Variants in ASIC2 observed in about 807,000 individuals in gnomAD.
ASIC2 encodes the protein acid sensing ion channel subunit 2.
A neutral mutation model predicts 57.3 loss-of-function variants in ASIC2; 25 were observed. The observed-to-expected ratio is 0.44, with a 90% CI of 0.32 to 0.61. The LOEUF (loss-of-function observed/expected upper bound fraction) is 0.61. ASIC2 is among the 20% of genes least tolerant of loss of function. ASIC2 has a pLI of 0.06. For missense variants in ASIC2, 641 were observed against 738.1 expected (o/e 0.87, Z 1.52); for synonymous variants, 319 against 307.5 (o/e 1.04, Z -0.39).
intron 1 of ASIC2, among the ~76,000 whole-genome samples, chr17:34,029,062 T>C (rs1323935694): frequency 6.6e-6 from 1 of 152,186 alleles, no homozygotes; most frequent in Non-Finnish European, 1.5e-5. Context: ...TCTTCCTTGA[T>C]CATCCCCCTC....
intron 3 of ASIC2, among the ~76,000 whole-genome samples, chr17:33,059,985 T>C (rs556130164): frequency 7.2e-5 from 11 of 152,200 alleles, no homozygotes; most frequent in Non-Finnish European, 1.5e-4. Context: ...TTCATATCCT[T>C]TGCCCACTTT....
intron 1 of ASIC2, among the ~76,000 whole-genome samples, chr17:33,406,248 A>G (rs1957639591): frequency 6.6e-6 from 1 of 152,250 alleles, no homozygotes; most frequent in Admixed American, 6.5e-5. Flanking sequence ...AGAATATTCC[A>G]GAAGCAGAGC....
chr17:33,257,769 T>A lies in ASIC2; in HGVS notation c.708+33639A>T, dbSNP rs1246584309. ...AGGTACAACAGCAATGACAACCACATCTTCCTTCACAGCACTCATGTCCCA... is the reference window on the plus strand; with the variant it reads ...AGGTACAACAGCAATGACAACCACAACTTCCTTCACAGCACTCATGTCCCA... On this transcript the variant is annotated intron_variant, in intron 1 of 9. Transcript: ENST00000225823. 3.3e-5 allele frequency among the ~76,000 whole-genome samples: 5 copies of A among 152,192 alleles called. No homozygotes were observed. In the East Asian group the frequency reaches 9.6e-4, roughly 29 times the overall value.
At chr17:33,392,853 T>C (rs1322629726) in intron 1 of ASIC2, among the ~76,000 whole-genome samples, 2 of 152,196 alleles carry the variant, frequency 1.3e-5, no homozygotes, top group Non-Finnish European at 2.9e-5. Context: ...ACCATAAATG[T>C]TCACCTTTGC....
chr17:33,732,949 A>G (rs994608064), intron 1 of ASIC2, among the ~76,000 whole-genome samples: 3 of 152,248 alleles, frequency 2.0e-5, no homozygotes, highest in Non-Finnish European at 2.9e-5. Flanking sequence ...CCTAATGTCA[A>G]TGTTGATGTT....
intron 1 of ASIC2, among the ~76,000 whole-genome samples, chr17:33,939,258 A>C (rs1028286131): frequency 6.6e-6 from 1 of 152,232 alleles, no homozygotes; most frequent in African/African-American, 2.4e-5. Context: ...TGATTATCTC[A>C]TTAATCCCCC....
At position 33,521,623 on chromosome 17, in the gene ASIC2, C is replaced by T. The variant is rs150122578; in HGVS notation, c.556-409556G>A. Among the ~76,000 whole-genome samples, 550 of 152,220 alleles carry T rather than the reference C, an allele frequency of 3.6e-3. 5 individuals are homozygous for T. The highest frequency in any genetic ancestry group is 0.013 in the African/African-American group (528 of 41,534). On this transcript the variant is annotated intron_variant, in intron 1 of 9. Transcript: ENST00000359872. Reference sequence around the variant, plus strand: ...AGATGGGCAAGGAAGATGTTGGATCCGACTGGCAGAGCTGGAGGGACTGTT... The same window carrying T: ...AGATGGGCAAGGAAGATGTTGGATCTGACTGGCAGAGCTGGAGGGACTGTT...
intron 1 of ASIC2, among the ~76,000 whole-genome samples, chr17:33,507,593 T>G (rs58818744): frequency 0.023 from 3,485 of 152,288 alleles, 142 homozygotes; most frequent in African/African-American, 0.08. Flanking sequence ...CTCTTTTTTT[T>G]TTGTTGCAAC....
intron 1 of ASIC2, among the ~76,000 whole-genome samples, chr17:33,896,946 C>G (rs1466446847): frequency 1.3e-5 from 2 of 152,056 alleles, no homozygotes; most frequent in Non-Finnish European, 2.9e-5. Flanking sequence ...ACATCCTGGC[C>G]GAAAAATGAA....
At chr17:33,239,758 C>T (rs1160821966) in intron 1 of ASIC2, among the ~76,000 whole-genome samples, 2 of 152,304 alleles carry the variant, frequency 1.3e-5, no homozygotes, top group African/African-American at 4.8e-5. Context: ...TGCAAACCAT[C>T]CCAAATTCAA....
At chr17:33,980,930 T>G (rs1482467511) in intron 1 of ASIC2, 1 of 135,230 alleles carries the variant, frequency 7.4e-6, no homozygotes, top group Non-Finnish European at 1.6e-5. Context: ...CCCCATCCCT[T>G]CCTCAAGTGT....
At chr17:33,205,418 C>G (rs1411444692) in intron 1 of ASIC2, among the ~76,000 whole-genome samples, 1 of 152,200 alleles carries the variant, frequency 6.6e-6, no homozygotes, top group Non-Finnish European at 1.5e-5. Context: ...TAGAAATTGA[C>G]AAAGCCCTGT....
chr17:33,499,926 A>G (rs914805786), intron 1 of ASIC2, among the ~76,000 whole-genome samples: 1 of 152,204 alleles, frequency 6.6e-6, no homozygotes, highest in Non-Finnish European at 1.5e-5. Flanking sequence ...GGCCAGAGCT[A>G]GCTCTCCTTC....
intron 1 of ASIC2, chr17:34,039,585 C>G: frequency 6.2e-7 from 1 of 1,613,916 alleles, no homozygotes; most frequent in East Asian, 2.2e-5. Context: ...GGCTGGTTCC[C>G]GGCCCGCTTC....
intron 1 of ASIC2, among the ~76,000 whole-genome samples, chr17:33,280,993 T>C (rs1435840095): frequency 2.0e-5 from 3 of 152,150 alleles, no homozygotes; most frequent in Non-Finnish European, 4.4e-5. Flanking sequence ...CAGAATCAGA[T>C]GGGGATGGCC....
upstream of ASIC2, among the ~76,000 whole-genome samples, chr17:33,297,936 C>A (rs966466930): frequency 6.9e-6 from 1 of 144,056 alleles, no homozygotes; most frequent in African/African-American, 2.6e-5. Context: ...AAATCAATCT[C>A]TTTTTTCCCC....
At chr17:33,392,173 T>TCCTC (rs1360289050) in intron 1 of ASIC2, among the ~76,000 whole-genome samples, 17 of 20,002 alleles carry the variant, frequency 8.5e-4, no homozygotes, top group African/African-American at 2.8e-3. Context: ...TTTCCTTTCT[T>TCCTC]CCTTCCTTCC....
chr17:33,085,494 G>C (rs1040902836), intron 3 of ASIC2, among the ~76,000 whole-genome samples: 3 of 152,182 alleles, frequency 2.0e-5, no homozygotes, highest in East Asian at 3.8e-4. Context: ...CATACAGCTG[G>C]GGCTAAATCC....
chr17:33,579,544 C>T (rs531823686), intron 1 of ASIC2, among the ~76,000 whole-genome samples: 3 of 152,098 alleles, frequency 2.0e-5, no homozygotes, highest in Non-Finnish European at 4.4e-5. Flanking sequence ...TCCCTGCCTT[C>T]AAGAATGAAA....
Sources: allele counts gnomAD v4.1 joint callset (sites outside exome capture counted in the v4.1 genomes callset), GRCh38; gene constraint gnomAD v4.1.1; transcripts MANE v1.5; gene names NCBI Gene and HGNC (gene_info 2026-07-23, HGNC 2026-07-21).